The following PSMD1 variants were observed in gnomAD, a reference collection of about 807,000 sequenced individuals.
PSMD1 encodes the protein proteasome 26S subunit, non-ATPase 1.
PSMD1 carries 18 observed loss-of-function variants against 119.0 expected under a neutral mutation model. The ratio of observed to expected loss-of-function variants is 0.15; its 90% CI spans 0.10 to 0.22. The LOEUF (loss-of-function observed/expected upper bound fraction) is 0.22. Among genes scored for constraint, PSMD1 ranks in the 10% least tolerant of loss-of-function variants. The pLI is 1.00. For synonymous variants in PSMD1, 374 were observed against 396.6 expected (o/e 0.94, Z 0.68); for missense variants, 702 against 1,158.5 (o/e 0.61, Z 5.72).
chr2:231,074,294 C>T (rs147616957), intron 7 of PSMD1, among the ~76,000 whole-genome samples: 3,072 of 152,062 alleles, frequency 0.02, 108 homozygotes, highest in African/African-American at 0.071. Context: ...TTAGTAGAGA[C>T]GGAGTTTCAC....
intron 19 of PSMD1, among the ~76,000 whole-genome samples, chr2:231,156,176 A>C (rs1696501082): frequency 6.6e-6 from 1 of 152,140 alleles, no homozygotes. Flanking sequence ...TTTATCAGTA[A>C]TTAAGTTTTA....
chr2:231,135,296 TCCTATAATAATAGGCATTGATTTAAA>T, intron 16 of PSMD1, among the ~76,000 whole-genome samples: 1 of 152,220 alleles, frequency 6.6e-6, no homozygotes, highest in Admixed American at 6.5e-5. Flanking sequence ...AGAAAAGTTG[TCCTATAATAATAGGCATTGATTTAAA>T]CCTATAATAA....
chr2:231,069,000 C>G (rs903581802), intron 5 of PSMD1, among the ~76,000 whole-genome samples: 1 of 152,150 alleles, frequency 6.6e-6, no homozygotes, highest in African/African-American at 2.4e-5. Flanking sequence ...GAGTTTGGTA[C>G]TGTTTGTGGT....
At chr2:231,138,623 T>C in intron 16 of PSMD1, 113 bp from the exon 17 acceptor site, 1 of 702,716 alleles carries the variant, frequency 1.4e-6, no homozygotes, top group South Asian at 1.8e-5. Flanking sequence ...ATTTATGTTT[T>C]AAATGCTCAT....
At chr2:231,160,672 A>G (rs1290036551) in intron 19 of PSMD1, among the ~76,000 whole-genome samples, 5 of 152,240 alleles carry the variant, frequency 3.3e-5, no homozygotes, top group African/African-American at 1.2e-4. Context: ...AAAAGCCAAT[A>G]TATAATGCAG....
intron 17 of PSMD1, chr2:231,139,193 G>A (rs889713046): frequency 2.5e-5 from 9 of 362,060 alleles, no homozygotes; most frequent in South Asian, 6.5e-5. Flanking sequence ...GTGCAGTGGC[G>A]CAGTCTCACC....
chr2:231,137,954 G>C (rs189487948), intron 16 of PSMD1, among the ~76,000 whole-genome samples: 4 of 152,276 alleles, frequency 2.6e-5, no homozygotes, highest in African/African-American at 9.6e-5. Flanking sequence ...CCCACAGCTT[G>C]ATGAATTTTC....
At position 231,079,524 on chromosome 2, in the gene PSMD1, CT is replaced by C. The variant is rs751767026; in HGVS notation, c.1161-5del. 3 of 1,567,694 alleles carry C rather than the reference CT, an allele frequency of 1.9e-6. No homozygotes were observed. Among genetic ancestry groups the C allele is most frequent in the Admixed American group, 1.8e-5 (1 of 55,560 alleles). ...TTTAACACTAATTAAAATACATCAT[CT>C]TTTTTTACAGAGATAATTTGGAATG... On this transcript the variant is annotated splice_polypyrimidine_tract_variant and intron_variant, in intron 10 of 24. Transcript: ENST00000308696.
intron 15 of PSMD1, 65 bp downstream of exon 15, chr2:231,085,179 T>C: frequency 7.6e-7 from 1 of 1,321,822 alleles, no homozygotes; most frequent in South Asian, 1.2e-5. Flanking sequence ...ACAATAAGTG[T>C]CTAGGTGACT....
intron 16 of PSMD1, among the ~76,000 whole-genome samples, chr2:231,098,035 A>G (rs1694767168): frequency 6.6e-6 from 1 of 152,246 alleles, no homozygotes; most frequent in African/African-American, 2.4e-5. Flanking sequence ...CGTGAGAGAC[A>G]TGAATTGAAC....
At chr2:231,061,353 G>A in intron 2 of PSMD1, 43 bp downstream of exon 2, 2 of 1,443,720 alleles carry the variant, frequency 1.4e-6, no homozygotes, top group Middle Eastern at 1.8e-4. Context: ...TGTGAATACT[G>A]TGAAGCCTTT....
In PSMD1 at chr2:231,087,328, A is replaced by C. The variant is rs112076199; in HGVS notation, c.1883+147A>C. On this transcript the variant is annotated intron_variant, in intron 16 of 24. Transcript: ENST00000308696. ...CTGGGTTCAGAGTGAGGACCATTTA[A>C]TAGCGAGATTAGTACTGTTCATCTG... 1,818 of 635,634 alleles carry C rather than the reference A, an allele frequency of 2.9e-3. 30 individuals carry two copies. The African/African-American group carries it at 0.029, about 10-fold the overall frequency. 39.4% of individuals were successfully genotyped at this position (635,634 alleles called of 1,614,324 possible). A position where few individuals can be genotyped will look rare whatever the true frequency, so the allele number is the denominator to read the frequency against.
At chr2:231,068,694 C>T (rs13424110) in intron 5 of PSMD1, among the ~76,000 whole-genome samples, 8,018 of 152,278 alleles carry the variant, frequency 0.053, 311 homozygotes, top group Middle Eastern at 0.11. Context: ...CTATTAGTCA[C>T]TTTAGTGGCC....
intron 16 of PSMD1, among the ~76,000 whole-genome samples, chr2:231,095,285 A>T (rs1180357415): frequency 1.3e-5 from 2 of 152,218 alleles, no homozygotes; most frequent in Non-Finnish European, 2.9e-5. Context: ...TTGCCCAATA[A>T]TTTTTGATAA....
chr2:231,161,305 C>A, intron 19 of PSMD1, 35 bp from the exon 20 acceptor site: 2 of 1,488,346 alleles, frequency 1.3e-6, no homozygotes, highest in South Asian at 1.2e-5. Flanking sequence ...TAGGACAATA[C>A]TATTATTGTT....
chr2:231,135,985 T>G (rs1695956197), intron 16 of PSMD1, among the ~76,000 whole-genome samples: 1 of 152,216 alleles, frequency 6.6e-6, no homozygotes, highest in Non-Finnish European at 1.5e-5. Context: ...CCTTTGAAAT[T>G]TGAATTCACC....
At chr2:231,135,464 G>A (rs1434586347) in intron 16 of PSMD1, among the ~76,000 whole-genome samples, 1 of 151,980 alleles carries the variant, frequency 6.6e-6, no homozygotes, top group Admixed American at 6.6e-5. Flanking sequence ...GTCTAAATTG[G>A]CCCAACTATT....
At chr2:231,114,836 T>C (rs1488582199) in intron 16 of PSMD1, among the ~76,000 whole-genome samples, 23 of 152,190 alleles carry the variant, frequency 1.5e-4, no homozygotes, top group Non-Finnish European at 2.4e-4. Context: ...CATTATATAT[T>C]ACACCCACCA....
At chr2:231,109,086 G>A in intron 16 of PSMD1, 1 of 1,614,212 alleles carries the variant, frequency 6.2e-7, no homozygotes, top group Non-Finnish European at 8.5e-7. Flanking sequence ...GAGTTGGGCA[G>A]AGCCTTGTCC....
Sources: allele counts gnomAD v4.1 joint callset (sites outside exome capture counted in the v4.1 genomes callset), GRCh38; gene constraint gnomAD v4.1.1; transcripts MANE v1.5; gene names NCBI Gene and HGNC (gene_info 2026-07-23, HGNC 2026-07-21).